The following UBTD1 variants were observed in gnomAD, a reference collection of about 807,000 sequenced individuals.
UBTD1 encodes the protein ubiquitin domain-containing protein 1.
In UBTD1, 19 loss-of-function variants were observed where a neutral mutation model predicts 21.7. The ratio of observed to expected loss-of-function variants is 0.87; its 90% CI spans 0.61 to 1.28. UBTD1 has a LOEUF of 1.28. Among genes scored for constraint, UBTD1 ranks in the 50% most tolerant of loss-of-function variants. The pLI, the probability that UBTD1 is intolerant of heterozygous loss-of-function variation, is 0.00. For synonymous variants in UBTD1, 116 were observed against 135.1 expected (o/e 0.86, Z 0.98); for missense variants, 282 against 315.1 (o/e 0.89, Z 0.80).
intron 1 of UBTD1, among the ~76,000 whole-genome samples, chr10:97,561,301 G>T (rs374961364): frequency 6.6e-6 from 1 of 152,046 alleles, no homozygotes; most frequent in South Asian, 2.1e-4. Context: ...GAGTTACCTC[G>T]TTTCCTGGTC....
intron 1 of UBTD1, among the ~76,000 whole-genome samples, chr10:97,516,770 CA>C (rs879561571): frequency 1.5e-3 from 207 of 139,922 alleles, no homozygotes; most frequent in Non-Finnish European, 1.4e-3. Flanking sequence ...GACTCTGTCT[CA>C]AAAAAAAAAA....
chr10:97,556,717 A>C (rs917188521), intron 1 of UBTD1, among the ~76,000 whole-genome samples: 1 of 152,224 alleles, frequency 6.6e-6, no homozygotes, highest in African/African-American at 2.4e-5. Flanking sequence ...AATGGTGCCA[A>C]TTACACAGCT....
chr10:97,527,734 C>T (rs1778496224), intron 1 of UBTD1, among the ~76,000 whole-genome samples: 1 of 151,996 alleles, frequency 6.6e-6, no homozygotes, highest in South Asian at 2.1e-4. Flanking sequence ...CCTGAGTGGA[C>T]ACAGCACATG....
intron 1 of UBTD1, among the ~76,000 whole-genome samples, chr10:97,560,736 A>T (rs2040688636): frequency 2.0e-5 from 3 of 151,958 alleles, no homozygotes. Context: ...TCTTCCTTGA[A>T]ATTTTTTTTT....
intron 1 of UBTD1, 141 bp downstream of exon 1, chr10:97,499,414 G>A (rs12763893): frequency 4.6e-5 from 53 of 1,161,650 alleles, no homozygotes; most frequent in Non-Finnish European, 5.8e-5. Context: ...GCCAGAGGGG[G>A]CCGCTCCCCA....
intron 1 of UBTD1, among the ~76,000 whole-genome samples, chr10:97,513,156 T>A (rs1309834064): frequency 1.3e-5 from 2 of 152,232 alleles, no homozygotes; most frequent in Non-Finnish European, 2.9e-5. Context: ...TGGTATCCGA[T>A]CCAGGAAATC....
intron 1 of UBTD1, among the ~76,000 whole-genome samples, chr10:97,528,471 G>GAT: frequency 1.3e-5 from 1 of 78,182 alleles, no homozygotes; most frequent in Non-Finnish European, 2.6e-5. Context: ...CAGTAGGGGC[G>GAT]GCCGGGCAGA....
chr10:97,523,018 C>G (rs1188402952), intron 1 of UBTD1, among the ~76,000 whole-genome samples: 2 of 152,168 alleles, frequency 1.3e-5, no homozygotes, highest in African/African-American at 4.8e-5. Flanking sequence ...ACCTGGAGAT[C>G]TCCAGACCTT....
intron 1 of UBTD1, among the ~76,000 whole-genome samples, chr10:97,555,846 C>T (rs2040661667): frequency 6.6e-6 from 1 of 152,170 alleles, no homozygotes; most frequent in South Asian, 2.1e-4. Flanking sequence ...CGCTGGGCTG[C>T]CTGTCTTTGG....
chr10:97,545,409 TGG>T (rs1491349496), intron 1 of UBTD1, among the ~76,000 whole-genome samples: 29 of 68,818 alleles, frequency 4.2e-4, no homozygotes, highest in South Asian at 1.2e-3. Context: ...TGTGTGTGTG[TGG>T]GTGTGGGTGT....
At chr10:97,522,178 G>C (rs1407395964) in intron 1 of UBTD1, among the ~76,000 whole-genome samples, 1 of 152,228 alleles carries the variant, frequency 6.6e-6, no homozygotes, top group Admixed American at 6.5e-5. Context: ...GGAAAAGCCT[G>C]AAAGGTCATG....
intron 1 of UBTD1, among the ~76,000 whole-genome samples, chr10:97,509,358 C>G (rs1284927600): frequency 6.6e-6 from 1 of 152,180 alleles, no homozygotes; most frequent in Non-Finnish European, 1.5e-5. Flanking sequence ...AAGCATACAT[C>G]ATTTAGAGTA....
chr10:97,503,812 A>T (rs1352381893), intron 1 of UBTD1, among the ~76,000 whole-genome samples: 1 of 152,172 alleles, frequency 6.6e-6, no homozygotes, highest in Non-Finnish European at 1.5e-5. Context: ...TGCAAATTAC[A>T]CATGATCATA....
chr10:97,505,093 A>T (rs2040393013), intron 1 of UBTD1, among the ~76,000 whole-genome samples: 1 of 152,156 alleles, frequency 6.6e-6, no homozygotes, highest in Non-Finnish European at 1.5e-5. Context: ...CAGGGCAGGG[A>T]TAGGGTGGCC....
chr10:97,507,248 G>C (rs1031750774), intron 1 of UBTD1, among the ~76,000 whole-genome samples: 5 of 152,162 alleles, frequency 3.3e-5, no homozygotes, highest in African/African-American at 1.2e-4. Context: ...ATCCTAATGA[G>C]TGTGAAGTGG....
At chr10:97,516,726 G>A (rs757166364) in intron 1 of UBTD1, among the ~76,000 whole-genome samples, 43 of 151,998 alleles carry the variant, frequency 2.8e-4, no homozygotes, top group Non-Finnish European at 4.0e-4. Context: ...AGCCGAGATC[G>A]TGCCACTGCA....
chr10:97,499,363 C>A, intron 1 of UBTD1, 90 bp downstream of exon 1: 1 of 1,407,886 alleles, frequency 7.1e-7, no homozygotes, highest in Non-Finnish European at 9.5e-7. Flanking sequence ...GGACTCCCCA[C>A]TGGTGCTGGC....
intron 1 of UBTD1, among the ~76,000 whole-genome samples, chr10:97,559,097 G>T (rs1262780618): frequency 6.6e-6 from 1 of 152,160 alleles, no homozygotes; most frequent in African/African-American, 2.4e-5. Flanking sequence ...GGAATGCTAA[G>T]TCTCCTCCCT....
chr10:97,522,115 A>G (rs4917774), intron 1 of UBTD1, among the ~76,000 whole-genome samples: 77,497 of 152,080 alleles, frequency 0.51, 19,936 homozygotes, highest in South Asian at 0.67. Flanking sequence ...TCTGCAAGAC[A>G]TAGACAAGAT....
Sources: allele counts gnomAD v4.1 joint callset (sites outside exome capture counted in the v4.1 genomes callset), GRCh38; gene constraint gnomAD v4.1.1; transcripts MANE v1.5; gene names NCBI Gene and HGNC (gene_info 2026-07-23, HGNC 2026-07-21).